Variants in DAAM2 observed in about 807,000 individuals in gnomAD.
DAAM2 encodes the protein dishevelled associated activator of morphogenesis 2.
In DAAM2, 39 loss-of-function variants were observed where a neutral mutation model predicts 120.7. The ratio of observed to expected loss-of-function variants is 0.32; its 90% CI spans 0.25 to 0.42. DAAM2 has a LOEUF of 0.42. DAAM2 is among the 10% of genes least tolerant of loss of function. The probability of loss-of-function intolerance (pLI) is 1.00; values close to 1 mark genes in which losing one functional copy is unlikely to be tolerated. For missense variants in DAAM2, 1,283 were observed against 1,401.7 expected (o/e 0.92, Z 1.35); for synonymous variants, 488 against 524.9 (o/e 0.93, Z 0.96).
At chr6:39,879,703 C>G (rs1023338917) in intron 14 of DAAM2, 13 of 617,856 alleles carry the variant, frequency 2.1e-5, no homozygotes, top group Non-Finnish European at 3.2e-5. Context: ...CTGACGTTGA[C>G]AAAGTCATCT....
At chr6:39,793,174 G>C (rs1761599238) in intron 1 of DAAM2, 1 of 152,510 alleles carries the variant, frequency 6.6e-6, no homozygotes. Flanking sequence ...AGAAGGAAGA[G>C]GGGGAGGTGG....
At chr6:39,883,689 A>T in intron 14 of DAAM2, 1 of 358,834 alleles carries the variant, frequency 2.8e-6, no homozygotes, top group Non-Finnish European at 5.1e-6. Flanking sequence ...CTGCCTACCC[A>T]TCCCCCCAGC....
intron 2 of DAAM2, among the ~76,000 whole-genome samples, chr6:39,858,756 A>C (rs1366125704): frequency 6.6e-6 from 1 of 152,200 alleles, no homozygotes; most frequent in Non-Finnish European, 1.5e-5. Context: ...TCTGGAGCTC[A>C]GGAAACTGTT....
intron 1 of DAAM2, among the ~76,000 whole-genome samples, chr6:39,830,461 G>C (rs926328879): frequency 2.6e-5 from 4 of 152,186 alleles, no homozygotes; most frequent in African/African-American, 4.8e-5. Flanking sequence ...TCTGAGTCCA[G>C]ACTGTGCTTG....
intron 10 of DAAM2, 29 bp downstream of exon 10, chr6:39,873,384 C>T (rs149293542): frequency 1.3e-4 from 200 of 1,489,482 alleles, no homozygotes; most frequent in Non-Finnish European, 1.8e-4. Context: ...CTGCTTCCCT[C>T]GACTGGCCTG....
Position 39,867,685 on chromosome 6 carries a change from A to G in DAAM2, c.604A>G (p.Ser202Gly). 6.2e-7 allele frequency: 1 copy of G among 1,614,066 alleles called. No homozygotes were observed. The highest frequency in any genetic ancestry group is 2.2e-5 in the East Asian group (1 of 44,880). Residue 202 changes from serine (S) to glycine (G), a missense_variant, in exon 6 of 25, where the codon AGT (serine) becomes GGT (glycine). Ser to Gly is a moderately conservative substitution (Grantham distance 56). This residue lies in a region of DAAM2 where 338 missense variants were observed against 443.9 expected (regional missense o/e 0.76). Transcript: ENST00000274867. ...AHVLAQPEAI[S>G]TIAQSLRTEN... Reference sequence around the variant, plus strand: ...TGTGCTGGCACAGCCTGAGGCCATTAGTACCATAGCCCAGAGCCTACGCAC... The same window carrying G: ...TGTGCTGGCACAGCCTGAGGCCATTGGTACCATAGCCCAGAGCCTACGCAC...
Position 39,889,571 on chromosome 6 carries a change from C to G in DAAM2, c.2145+808C>G, listed in dbSNP as rs186977381. On this transcript the variant is annotated intron_variant, in intron 17 of 24. Coordinates refer to ENST00000274867, the MANE Select transcript of DAAM2 (RefSeq NM_001201427.2). ...AGGTATAACTCCAGGGAAATGAGTACAAATACTGACTAAAATAAATACACA... is the reference window on the plus strand; with the variant it reads ...AGGTATAACTCCAGGGAAATGAGTAGAAATACTGACTAAAATAAATACACA... 8.8e-4 allele frequency among the ~76,000 whole-genome samples: 134 copies of G among 152,262 alleles called. 1 individual carries two copies. The Middle Eastern group carries it at 0.014, about 15-fold the overall frequency.
intron 1 of DAAM2, 76 bp from the exon 2 acceptor site, chr6:39,856,171 A>T: frequency 7.8e-7 from 1 of 1,288,800 alleles, no homozygotes; most frequent in African/African-American, 1.5e-5. Context: ...GACAGAGGTT[A>T]TGAAGGCAGA....
At chr6:39,893,075 G>A (rs1765833065) in intron 19 of DAAM2, among the ~76,000 whole-genome samples, 1 of 152,256 alleles carries the variant, frequency 6.6e-6, no homozygotes, top group Non-Finnish European at 1.5e-5. Flanking sequence ...AAGGGGTTCA[G>A]CCCAAGACAT....
In DAAM2 at chr6:39,904,489, A is replaced by C; in HGVS notation, c.*2452A>C. 2.2e-6 allele frequency: 1 copy of C among 454,406 alleles called. No homozygotes were observed. The highest frequency in any genetic ancestry group is 4.4e-6 in the Non-Finnish European group (1 of 226,958). The allele number at this position is 454,406 out of a possible 1,614,324, so 28.1% of individuals were successfully genotyped here. ...CCACTGCTCCTGCCACCTTTAGATA[A>C]GTTTCTCTAGCTAATTTTGTGGCCA... On this transcript the variant is annotated 3_prime_UTR_variant, in exon 25 of 25. Coordinates refer to ENST00000274867, the MANE Select transcript of DAAM2 (RefSeq NM_001201427.2).
chr6:39,898,812 C>T (rs1766288075), intron 21 of DAAM2, 65 bp from the exon 22 acceptor site: 6 of 1,417,944 alleles, frequency 4.2e-6, no homozygotes, highest in South Asian at 3.6e-5. Flanking sequence ...CTCCCTGAAC[C>T]AGCCTTAGCA....
chr6:39,810,003 C>A (rs970084039), intron 1 of DAAM2, among the ~76,000 whole-genome samples: 1 of 152,190 alleles, frequency 6.6e-6, no homozygotes, highest in Non-Finnish European at 1.5e-5. Flanking sequence ...TTCATGGTTA[C>A]AATGTGGCTG....
At chr6:39,890,585 T>C (rs1765651546) in intron 17 of DAAM2, among the ~76,000 whole-genome samples, 1 of 152,202 alleles carries the variant, frequency 6.6e-6, no homozygotes, top group Non-Finnish European at 1.5e-5. Flanking sequence ...GAGCCTATAT[T>C]CACTTGAATG....
Position 39,864,483 on chromosome 6 carries a change from C to A in DAAM2, c.309C>A (p.Ile103=), listed in dbSNP as rs748771781. The change falls in exon 4 of 25, where the codon ATC becomes ATA. Residue 103 remains isoleucine (I), a synonymous_variant. Transcript: ENST00000274867. ...CAACCAGCTGGCCTGACTATTACAT[C>A]GACCGCATCAATTCCATGGCTGCGG... is the stretch of plus-strand genomic sequence containing the variant. ...KLATSWPDYY[I]DRINSMAAMQ... is the part of the protein sequence containing the mutation. The A allele has an allele frequency of 3.7e-6, 6 of 1,612,482 alleles. No individual in the cohort carries two copies. Among genetic ancestry groups the A allele is most frequent in the Non-Finnish European group, 4.2e-6 (5 of 1,179,684 alleles).
intron 3 of DAAM2, among the ~76,000 whole-genome samples, chr6:39,863,928 G>A (rs1187045373): frequency 6.6e-6 from 1 of 152,126 alleles, no homozygotes; most frequent in East Asian, 1.9e-4. Context: ...TATTTAGTGA[G>A]TGCCTACTAT....
chr6:39,846,553 C>T (rs1329423941), intron 1 of DAAM2, among the ~76,000 whole-genome samples: 1 of 152,178 alleles, frequency 6.6e-6, no homozygotes, highest in Non-Finnish European at 1.5e-5. Context: ...GTATTCCCAG[C>T]TCTCATTCTA....
rs182708758 is a variant in DAAM2 at position 39,903,790 on chromosome 6, T to C, written c.*1753T>C. ...AGGGTCGGTGAGCCCAGCATGTGCG[T>C]TGGTTTGAGGGGGCGGGCGGTGTGT... On this transcript the variant is annotated 3_prime_UTR_variant, in exon 25 of 25. Transcript: ENST00000274867. 2.1e-5 allele frequency: 4 copies of C among 187,660 alleles called. No individual in the cohort carries two copies. Among genetic ancestry groups the C allele is most frequent in the Admixed American group, 1.6e-4 (3 of 18,494 alleles). 11.6% of individuals were successfully genotyped at this position (187,660 alleles called of 1,614,324 possible). A position where few individuals can be genotyped will look rare whatever the true frequency, so the allele number is the denominator to read the frequency against.
rs529103746 is a variant in DAAM2 at position 39,856,860 on chromosome 6, G to A, written c.168+390G>A. ...GTTTCCCTGGGATCTTTTAATGTCCGAGGCACAAAGAAGGGACAGAGTGGG... is the reference window on the plus strand; with the variant it reads ...GTTTCCCTGGGATCTTTTAATGTCCAAGGCACAAAGAAGGGACAGAGTGGG... On this transcript the variant is annotated intron_variant, in intron 2 of 24. Transcript: ENST00000274867. 9.9e-5 allele frequency among the ~76,000 whole-genome samples: 15 copies of A among 152,160 alleles called. No individual in the cohort carries two copies. In the South Asian group the frequency reaches 1.0e-3, roughly 11 times the overall value.
rs1341633885 is a variant in DAAM2 at position 39,860,934 on chromosome 6, T to C, written c.175T>C (p.Leu59=). The change falls in exon 3 of 25, where the codon TTG becomes CTG. Residue 59 remains leucine (L), a synonymous_variant. Coordinates refer to ENST00000274867, the MANE Select transcript of DAAM2 (RefSeq NM_001201427.2). ...NIRFAELVDE[L]DLTDKNREAM... is the part of the protein sequence containing the mutation. ...TTTCTTATTGTCTTTGCAGGATGAA[T>C]TGGATCTCACTGACAAAAACCGAGA... 3 of 1,612,604 alleles carry C rather than the reference T, an allele frequency of 1.9e-6. No individual in the cohort carries two copies. In the African/African-American group the frequency reaches 4.0e-5, roughly 22 times the overall value.
Sources: gnomAD v4.1 joint callset for allele counts (sites outside exome capture counted in the v4.1 genomes callset) on GRCh38, gnomAD v4.1.1 for gene constraint, gnomAD v4.1.1 regional missense constraint, MANE v1.5 for transcripts, NCBI Gene and HGNC (gene_info 2026-07-23, HGNC 2026-07-21) for gene names.